Variants in TRPM3 observed in about 807,000 individuals in gnomAD.
TRPM3 encodes long transient receptor potential channel 3.
TRPM3 carries 77 observed loss-of-function variants against 181.2 expected under a neutral mutation model. The observed-to-expected ratio is 0.42, with a 90% CI of 0.35 to 0.51. TRPM3 has a LOEUF of 0.51. TRPM3 is among the 20% of genes least tolerant of loss of function. The pLI is 0.01. For missense variants in TRPM3, 1,759 were observed against 2,196.7 expected, an observed-to-expected ratio of 0.80 and a Z score of 3.98; for synonymous variants, 745 against 796.4, an observed-to-expected ratio of 0.94 and a Z score of 1.09.
chr9:70,954,377 T>A (rs193279390), intron 1 of TRPM3, among the ~76,000 whole-genome samples: 1 of 152,222 alleles, frequency 6.6e-6, no homozygotes, highest in African/African-American at 2.4e-5. Context: ...TGTAGAGGAA[T>A]GTGAGAAGGA....
chr9:70,621,418 G>A lies in TRPM3; in HGVS notation c.1810-145C>T, dbSNP rs1453552077. 8.9e-6 allele frequency: 4 copies of A among 449,306 alleles called. No individual in the cohort carries two copies. In the Admixed American group the frequency reaches 1.2e-4, roughly 14 times the overall value. 27.8% of individuals were successfully genotyped at this position (449,306 alleles called of 1,614,324 possible). On this transcript the variant is annotated intron_variant, in intron 14 of 25. Transcript: ENST00000677713. ...CTCACTTTGTCACCTGAGTTGGAGT[G>A]TAGAGGCATGATCATGGTTCACTGC...
At chr9:70,963,648 T>C (rs1326634161) in intron 1 of TRPM3, among the ~76,000 whole-genome samples, 1 of 152,140 alleles carries the variant, frequency 6.6e-6, no homozygotes, top group Non-Finnish European at 1.5e-5. Flanking sequence ...TTTACAAAAA[T>C]GAGGCTTGGA....
intron 9 of TRPM3, among the ~76,000 whole-genome samples, chr9:70,675,656 C>T (rs1159301436): frequency 6.6e-6 from 1 of 152,010 alleles, no homozygotes; most frequent in Non-Finnish European, 1.5e-5. Context: ...TTAAATACCC[C>T]AGTGATATTT....
At chr9:71,163,572 A>G (rs1393245635) in intron 1 of TRPM3, among the ~76,000 whole-genome samples, 3 of 152,198 alleles carry the variant, frequency 2.0e-5, no homozygotes, top group Non-Finnish European at 2.9e-5. Flanking sequence ...GAGGTAACAA[A>G]CAGAGAGTTG....
intron 1 of TRPM3, among the ~76,000 whole-genome samples, chr9:71,356,339 A>G (rs1245651750): frequency 6.6e-6 from 1 of 152,006 alleles, no homozygotes; most frequent in Non-Finnish European, 1.5e-5. Context: ...ACCCCCCAAT[A>G]GGCCCCAGTG....
rs2094955924 is a variant in TRPM3, at chr9:70,846,416, G to A, written c.638C>T (p.Thr213Ile). ...TCCAGTGAATATCCACGCTCCAGTTGTCATTGCTGCTTTGATGAGCCCTTT... is the reference window on the plus strand; with the variant it reads ...TCCAGTGAATATCCACGCTCCAGTTATCATTGCTGCTTTGATGAGCCCTTT... Reference protein sequence around the residue: ...FGKGLIKAAMTTGAWIFTGGV... With the variant: ...FGKGLIKAAMITGAWIFTGGV... Residue 213 changes from threonine to isoleucine, a missense_variant, in exon 4 of 26, where the codon ACA becomes ATA. Physicochemically the swap from Thr to Ile is moderately conservative, Grantham distance 89. Transcript: ENST00000677713. The A allele has an allele frequency of 6.2e-7, 1 of 1,614,016 alleles. No homozygotes were observed. Among genetic ancestry groups the A allele is most frequent in the Admixed American group, 1.7e-5 (1 of 59,992 alleles).
chr9:71,322,643 G>A (rs930597348), intron 1 of TRPM3, among the ~76,000 whole-genome samples: 20 of 152,010 alleles, frequency 1.3e-4, no homozygotes, highest in African/African-American at 4.8e-4. Context: ...ATTTTATGGT[G>A]TCAATAGAGA....
intron 22 of TRPM3, among the ~76,000 whole-genome samples, chr9:70,553,690 G>A (rs1291721963): frequency 1.3e-5 from 2 of 152,230 alleles, no homozygotes; most frequent in Non-Finnish European, 2.9e-5. Context: ...CCACTGGCAA[G>A]TTACTTTCAA....
intron 5 of TRPM3, among the ~76,000 whole-genome samples, chr9:70,832,983 C>T (rs2094045902): frequency 6.6e-6 from 1 of 152,194 alleles, no homozygotes; most frequent in South Asian, 2.1e-4. Flanking sequence ...GGTAATATCT[C>T]ACAATAAATG....
At chr9:71,026,040 T>C (rs1013891982) in intron 1 of TRPM3, among the ~76,000 whole-genome samples, 11 of 152,236 alleles carry the variant, frequency 7.2e-5, no homozygotes, top group Admixed American at 3.3e-4. Context: ...TAATCTGCCA[T>C]GGACACTTGT....
chr9:71,294,583 T>C (rs879127704), intron 1 of TRPM3, among the ~76,000 whole-genome samples: 8 of 152,278 alleles, frequency 5.3e-5, no homozygotes, highest in African/African-American at 1.9e-4. Context: ...ATAGTAGAGT[T>C]GAATATGAGA....
At chr9:70,552,774 T>G in intron 24 of TRPM3, 70 bp downstream of exon 24, 2 of 1,541,080 alleles carry the variant, frequency 1.3e-6, no homozygotes, top group African/African-American at 1.4e-5. Flanking sequence ...CATGCGATTC[T>G]GCGTGATTGC....
intron 8 of TRPM3, among the ~76,000 whole-genome samples, chr9:70,690,152 C>A (rs993819927): frequency 1.3e-5 from 2 of 152,068 alleles, no homozygotes; most frequent in Non-Finnish European, 2.9e-5. Flanking sequence ...TTGGTTCAAT[C>A]TATCAAAAAA....
intron 16 of TRPM3, 87 bp downstream of exon 16, chr9:70,619,989 A>G: frequency 7.3e-7 from 1 of 1,363,108 alleles, no homozygotes. Flanking sequence ...TTTCCCTTAA[A>G]GTTCTGAGTA....
intron 19 of TRPM3, among the ~76,000 whole-genome samples, chr9:70,606,299 C>A (rs1245527486): frequency 6.6e-6 from 1 of 152,124 alleles, no homozygotes; most frequent in African/African-American, 2.4e-5. Flanking sequence ...TCCCTTAGTC[C>A]TTACTTCCCT....
intron 18 of TRPM3, among the ~76,000 whole-genome samples, chr9:70,614,217 G>A (rs2062411015): frequency 6.6e-6 from 1 of 151,820 alleles, no homozygotes; most frequent in African/African-American, 2.4e-5. Context: ...GATTAGGACT[G>A]GGTGTGGTGG....
At chr9:71,306,859 G>C (rs549642154) in intron 1 of TRPM3, among the ~76,000 whole-genome samples, 2 of 151,390 alleles carry the variant, frequency 1.3e-5, no homozygotes, top group Non-Finnish European at 1.5e-5. Flanking sequence ...GTGACAGAGC[G>C]AGACTCCGTC....
intron 1 of TRPM3, among the ~76,000 whole-genome samples, chr9:71,191,743 A>G (rs1255134160): frequency 6.6e-6 from 1 of 151,566 alleles, no homozygotes; most frequent in Admixed American, 6.6e-5. Context: ...GGAGCAAATT[A>G]TTATAAGTTT....
intron 1 of TRPM3, among the ~76,000 whole-genome samples, chr9:71,355,877 GA>G (rs2091877137): frequency 1.3e-5 from 2 of 151,180 alleles, no homozygotes; most frequent in East Asian, 3.9e-4. Context: ...TCCCTTAAAA[GA>G]AAATAATATT....
Sources: gnomAD v4.1 joint callset for allele counts (sites outside exome capture counted in the v4.1 genomes callset) on GRCh38, gnomAD v4.1.1 for gene constraint, MANE v1.5 for transcripts, NCBI Gene and HGNC (gene_info 2026-07-23, HGNC 2026-07-21) for gene names.